The following RAD51B variants were observed in gnomAD, a reference collection of about 807,000 sequenced individuals.
RAD51B encodes the protein DNA repair protein RAD51 homolog 2.
A neutral mutation model predicts 42.2 loss-of-function variants in RAD51B; 38 were observed. The observed-to-expected ratio is 0.90, with a 90% CI of 0.70 to 1.18. The LOEUF is 1.18. Among genes scored for constraint, RAD51B ranks in the 50% most tolerant of loss-of-function variants. The pLI, the probability that RAD51B is intolerant of heterozygous loss-of-function variation, is 0.00. For synonymous variants in RAD51B, 154 were observed against 145.2 expected (o/e 1.06, Z -0.43); for missense variants, 373 against 400.7 (o/e 0.93, Z 0.59).
At chr14:68,509,970 A>G (rs1200483366) in intron 10 of RAD51B, among the ~76,000 whole-genome samples, 1 of 152,226 alleles carries the variant, frequency 6.6e-6, no homozygotes, top group East Asian at 1.9e-4. Context: ...CTGATAGTCC[A>G]GATCCTCGGT....
intron 10 of RAD51B, among the ~76,000 whole-genome samples, chr14:68,622,865 G>A (rs941565347): frequency 4.6e-5 from 7 of 152,020 alleles, no homozygotes; most frequent in East Asian, 1.9e-4. Context: ...CTGAGATCCC[G>A]CAGGGAGTCT....
At chr14:68,385,515 C>A (rs544797426) in intron 8 of RAD51B, among the ~76,000 whole-genome samples, 3 of 152,242 alleles carry the variant, frequency 2.0e-5, no homozygotes, top group African/African-American at 7.2e-5. Context: ...CAGCTAAGAA[C>A]CAATGAGTGA....
intron 11 of RAD51B, among the ~76,000 whole-genome samples, chr14:68,663,467 ACTTTCTCTTTCACTTCGCCCC>A: frequency 6.6e-6 from 1 of 152,136 alleles, no homozygotes; most frequent in Non-Finnish European, 1.5e-5. Context: ...TCCTCCAGAT[ACTTTCTCTTTCACTTCGCCCC>A]CTTTACCCTT....
At chr14:68,029,709 G>A (rs956285929) in intron 7 of RAD51B, among the ~76,000 whole-genome samples, 5 of 152,082 alleles carry the variant, frequency 3.3e-5, no homozygotes, top group African/African-American at 7.2e-5. Context: ...CTTTTCCAGC[G>A]AATCAGGAAT....
chr14:68,526,550 G>A (rs1263578137), intron 10 of RAD51B, among the ~76,000 whole-genome samples: 1 of 152,248 alleles, frequency 6.6e-6, no homozygotes, highest in Admixed American at 6.5e-5. Flanking sequence ...ATGTCCTCCA[G>A]GAAGCAGGCT....
chr14:68,414,666 C>T (rs2084505209), intron 9 of RAD51B, among the ~76,000 whole-genome samples: 1 of 151,726 alleles, frequency 6.6e-6, no homozygotes, highest in South Asian at 2.1e-4. Flanking sequence ...AGGAAGGTAA[C>T]ATCATCAGAG....
chr14:68,028,487 T>C (rs1366930270), intron 7 of RAD51B, among the ~76,000 whole-genome samples: 1 of 152,208 alleles, frequency 6.6e-6, no homozygotes, highest in Non-Finnish European at 1.5e-5. Context: ...GAGTATGGGC[T>C]CCTCCTCTGC....
chr14:67,825,701 T>A, intron 3 of RAD51B, 124 bp downstream of exon 3: 1 of 670,444 alleles, frequency 1.5e-6, no homozygotes, highest in Non-Finnish European at 2.3e-6. Flanking sequence ...AGTTTTCTAC[T>A]ATAGAAGTTA....
At chr14:68,081,423 C>T (rs1220906962) in intron 7 of RAD51B, among the ~76,000 whole-genome samples, 1 of 152,138 alleles carries the variant, frequency 6.6e-6, no homozygotes, top group Non-Finnish European at 1.5e-5. Context: ...TTCACTCGAT[C>T]ACATTATTAA....
At chr14:68,190,004 A>G (rs995175446) in intron 7 of RAD51B, among the ~76,000 whole-genome samples, 17 of 152,174 alleles carry the variant, frequency 1.1e-4, no homozygotes, top group Admixed American at 1.1e-3. Context: ...TCCTTTTGAA[A>G]GATGCTTTTT....
chr14:67,919,361 C>G (rs570619132), intron 7 of RAD51B, among the ~76,000 whole-genome samples: 1 of 152,308 alleles, frequency 6.6e-6, no homozygotes, highest in African/African-American at 2.4e-5. Context: ...AAGCAGGACA[C>G]AGATTTACAG....
chr14:67,903,837 G>T (rs1189416955), intron 7 of RAD51B, among the ~76,000 whole-genome samples: 1 of 152,106 alleles, frequency 6.6e-6, no homozygotes, highest in African/African-American at 2.4e-5. Flanking sequence ...TTGGTGTTCA[G>T]ATTATTTCAT....
intron 7 of RAD51B, among the ~76,000 whole-genome samples, chr14:68,146,764 G>A (rs2588828): frequency 0.79 from 120,451 of 152,092 alleles, 48,241 homozygotes; most frequent in East Asian, 0.98. Context: ...TAAAAGCTGT[G>A]AACACTCTTA....
chr14:67,939,930 G>A (rs996433542), intron 7 of RAD51B, among the ~76,000 whole-genome samples: 26 of 141,682 alleles, frequency 1.8e-4, no homozygotes, highest in African/African-American at 6.9e-4. Flanking sequence ...GGGTTCATTA[G>A]GTATATATTC....
At chr14:67,955,828 A>G (rs1426789486) in intron 7 of RAD51B, among the ~76,000 whole-genome samples, 1 of 152,236 alleles carries the variant, frequency 6.6e-6, no homozygotes. Flanking sequence ...AAGAAGGAAC[A>G]TGTGAACTGG....
intron 7 of RAD51B, among the ~76,000 whole-genome samples, chr14:67,947,933 A>G (rs1262901344): frequency 6.6e-6 from 1 of 152,210 alleles, no homozygotes; most frequent in Non-Finnish European, 1.5e-5. Context: ...ATTTATCTTC[A>G]TGTCTTCTTG....
intron 7 of RAD51B, among the ~76,000 whole-genome samples, chr14:68,256,560 C>T (rs1401071329): frequency 1.3e-5 from 2 of 152,138 alleles, no homozygotes; most frequent in South Asian, 2.1e-4. Context: ...CTGCTCTCAG[C>T]GAAAGAGGCC....
chr14:68,289,321 A>G (rs1175876640), intron 7 of RAD51B, among the ~76,000 whole-genome samples: 1 of 152,228 alleles, frequency 6.6e-6, no homozygotes, highest in Non-Finnish European at 1.5e-5. Context: ...TGAGATAGAT[A>G]TTATTTTACC....
chr14:68,187,738 A>G (rs1376703696), intron 7 of RAD51B, among the ~76,000 whole-genome samples: 1 of 152,178 alleles, frequency 6.6e-6, no homozygotes, highest in Non-Finnish European at 1.5e-5. Context: ...CTTCACAAAG[A>G]ATGTGTTTAT....
Sources: allele counts gnomAD v4.1 joint callset (sites outside exome capture counted in the v4.1 genomes callset), GRCh38; gene constraint gnomAD v4.1.1; transcripts MANE v1.5; gene names NCBI Gene and HGNC (gene_info 2026-07-23, HGNC 2026-07-21).